RABGEF1: variants seen among roughly 807,000 people sequenced by gnomAD.
RABGEF1 encodes the protein rab5 GDP/GTP exchange factor.
A neutral mutation model predicts 57.3 loss-of-function variants in RABGEF1; 26 were observed. The observed-to-expected ratio is 0.45, with a 90% CI of 0.33 to 0.63. The LOEUF is 0.63. Ranked by LOEUF, RABGEF1 falls within the 20% of genes least tolerant of loss-of-function variation. The probability of loss-of-function intolerance (pLI) is 0.02; values close to 1 mark genes in which losing one functional copy is unlikely to be tolerated. For synonymous variants in RABGEF1, 185 were observed against 210.7 expected (o/e 0.88, Z 1.06); for missense variants, 464 against 607.6 (o/e 0.76, Z 2.48).
At chr7:66,681,872 C>G (rs1448136302), upstream of RABGEF1, among the ~76,000 whole-genome samples, 2 of 152,170 alleles carry the variant, frequency 1.3e-5, no homozygotes, top group Non-Finnish European at 2.9e-5. Context: ...CGCTGCTGCG[C>G]ATCGGGAGCC....
At chr7:66,794,273 T>C (rs1813489765) in intron 4 of RABGEF1, among the ~76,000 whole-genome samples, 1 of 149,538 alleles carries the variant, frequency 6.7e-6, no homozygotes, top group Non-Finnish European at 1.5e-5. Flanking sequence ...TCTTTCTTTC[T>C]CTTTCTTTCC....
intron 1 of RABGEF1, among the ~76,000 whole-genome samples, chr7:66,683,816 C>CT (rs1301405574): frequency 6.6e-6 from 1 of 152,100 alleles, no homozygotes; most frequent in Non-Finnish European, 1.5e-5. Flanking sequence ...TCACGAGTCA[C>CT]TGAAGTCTCA....
chr7:66,806,833 G>A (rs1460142212), intron 8 of RABGEF1, among the ~76,000 whole-genome samples: 2 of 150,932 alleles, frequency 1.3e-5, no homozygotes, highest in Non-Finnish European at 2.9e-5. Context: ...TAGTAAAGAC[G>A]GGGTTTCACC....
intron 2 of RABGEF1, among the ~76,000 whole-genome samples, chr7:66,720,830 A>T (rs1037381146): frequency 6.6e-6 from 1 of 152,230 alleles, no homozygotes. Context: ...ACTAGAACTA[A>T]TAAGTTAGCA....
In RABGEF1 at chr7:66,785,822, G is replaced by A. The variant is rs1446528883; in HGVS notation, c.513+1981G>A. ...CTGGGAGGCGGAGCTTGCAGTGAGC[G>A]GAGATTGCACCACTGCACTCCAGCC... On this transcript the variant is annotated intron_variant, in intron 4 of 8. Transcript: ENST00000284957. Among the ~76,000 whole-genome samples the A allele has an allele frequency of 5.3e-5, 8 of 151,954 alleles. No individual in the cohort carries two copies. In the East Asian group the frequency reaches 5.8e-4, roughly 11 times the overall value.
At chr7:66,742,607 TATTA>T (rs1239209668) in intron 1 of RABGEF1, among the ~76,000 whole-genome samples, 2 of 152,098 alleles carry the variant, frequency 1.3e-5, no homozygotes, top group Admixed American at 6.6e-5. Flanking sequence ...AGGAGGTGCC[TATTA>T]ATTTATTTAT....
intron 1 of RABGEF1, among the ~76,000 whole-genome samples, chr7:66,761,312 C>T (rs1804287973): frequency 6.6e-6 from 1 of 152,200 alleles, no homozygotes. Context: ...CAACTCTGGG[C>T]CTCCAGAAGT....
the RABGEF1 span, among the ~76,000 whole-genome samples, chr7:66,659,728 G>A: frequency 6.6e-5 from 10 of 151,296 alleles, no homozygotes; most frequent in East Asian, 1.6e-3. Flanking sequence ...GCAGTGAGCC[G>A]AGATTGCACC....
At position 66,710,387 on chromosome 7, in the gene RABGEF1, C is replaced by A. The variant is rs540515061; in HGVS notation, c.-872-1780C>A. Among the ~76,000 whole-genome samples, 4 of 152,284 alleles carry A rather than the reference C, an allele frequency of 2.6e-5. No individual in the cohort carries two copies. The East Asian group carries it at 7.7e-4, about 29-fold the overall frequency. On this transcript the variant is annotated intron_variant and NMD_transcript_variant, in intron 1 of 9. Transcript: ENST00000607882. ...TGTATGGACACATGCTTTCATTTTT[C>A]TTCAGTAAATAACCCAGCAGTGGAA...
chr7:66,684,080 A>C (rs1790210491), intron 1 of RABGEF1, among the ~76,000 whole-genome samples: 1 of 152,194 alleles, frequency 6.6e-6, no homozygotes, highest in Non-Finnish European at 1.5e-5. Flanking sequence ...ACAGAGATAC[A>C]GGAGCTTAGG....
intron 1 of RABGEF1, among the ~76,000 whole-genome samples, chr7:66,751,562 T>A (rs1024682726): frequency 2.6e-5 from 4 of 152,144 alleles, no homozygotes; most frequent in Non-Finnish European, 4.4e-5. Context: ...CACCTAATAC[T>A]GCTAGAGACT....
intron 1 of RABGEF1, among the ~76,000 whole-genome samples, chr7:66,767,327 T>C (rs1805997372): frequency 6.6e-6 from 1 of 151,966 alleles, no homozygotes; most frequent in Middle Eastern, 3.2e-3. Context: ...GTTTAAATCA[T>C]AGAGTAAAAT....
At chr7:66,804,806 A>G (rs918845788) in intron 7 of RABGEF1, among the ~76,000 whole-genome samples, 1 of 151,550 alleles carries the variant, frequency 6.6e-6, no homozygotes, top group African/African-American at 2.4e-5. Flanking sequence ...CCACCCTGCT[A>G]CATACTGTCT....
At chr7:66,679,692 CT>C (rs1562682572), upstream of RABGEF1, among the ~76,000 whole-genome samples, 1 of 152,076 alleles carries the variant, frequency 6.6e-6, no homozygotes, top group Non-Finnish European at 1.5e-5. Context: ...TTCCTCAGGC[CT>C]TTTCTGTCTT....
At chr7:66,760,137 C>G (rs1355220158) in intron 1 of RABGEF1, among the ~76,000 whole-genome samples, 2 of 152,208 alleles carry the variant, frequency 1.3e-5, no homozygotes, top group Non-Finnish European at 2.9e-5. Context: ...ATTTGAGCAA[C>G]TCAGGCCTGC....
chr7:66,801,168 C>G (rs1787205584), intron 7 of RABGEF1, among the ~76,000 whole-genome samples: 1 of 152,232 alleles, frequency 6.6e-6, no homozygotes, highest in African/African-American at 2.4e-5. Flanking sequence ...CTCCTCTTAG[C>G]TCCAAGAGTT....
intron 1 of RABGEF1, among the ~76,000 whole-genome samples, chr7:66,710,121 A>T (rs1359757031): frequency 6.6e-6 from 1 of 152,238 alleles, no homozygotes; most frequent in Non-Finnish European, 1.5e-5. Flanking sequence ...CTAGAATTTC[A>T]TATAAATGAA....
At position 66,752,064 on chromosome 7, in the gene RABGEF1, A is replaced by G. The variant is rs1801555536; in HGVS notation, c.-18+11272A>G. On this transcript the variant is annotated intron_variant, in intron 1 of 8. Coordinates refer to ENST00000284957, the MANE Select transcript of RABGEF1 (RefSeq NM_014504.3). ...AAAAAAAACCCGCAAAAAACTAGCC[A>G]GGTGTTGTGGCTTGAACTCAGCTAC... Among the ~76,000 whole-genome samples the G allele has an allele frequency of 2.0e-5, 3 of 152,250 alleles. No individual in the cohort carries two copies. In the South Asian group the frequency reaches 6.2e-4, roughly 32 times the overall value.
At chr7:66,723,690 C>G (rs1470417107) in intron 2 of RABGEF1, among the ~76,000 whole-genome samples, 1 of 151,890 alleles carries the variant, frequency 6.6e-6, no homozygotes, top group Non-Finnish European at 1.5e-5. Flanking sequence ...AAGTGATTCT[C>G]CTGCCTCAGC....
Sources: allele counts gnomAD v4.1 joint callset (sites outside exome capture counted in the v4.1 genomes callset), GRCh38; gene constraint gnomAD v4.1.1; transcripts MANE v1.5; gene names NCBI Gene and HGNC (gene_info 2026-07-23, HGNC 2026-07-21).